The following HSD11B1 variants were observed in gnomAD, a reference collection of about 807,000 sequenced individuals.
HSD11B1 encodes hydroxysteroid 11-beta dehydrogenase 1, also known as 11-beta-hydroxysteroid dehydrogenase 1.
In HSD11B1, 15 loss-of-function variants were observed where a neutral mutation model predicts 22.1. The observed-to-expected ratio is 0.68, with a 90% CI of 0.45 to 1.04. The LOEUF is 1.04. Ranked by LOEUF, HSD11B1 falls within the 50% of genes least tolerant of loss-of-function variation. HSD11B1 has a pLI of 0.00. For missense variants in HSD11B1, 281 were observed against 357.6 expected (o/e 0.79, Z 1.73); for synonymous variants, 122 against 125.2 (o/e 0.97, Z 0.17).
intron 1 of HSD11B1, among the ~76,000 whole-genome samples, chr1:209,699,669 C>G (rs1402490745): frequency 6.6e-6 from 1 of 152,158 alleles, no homozygotes; most frequent in Non-Finnish European, 1.5e-5. Flanking sequence ...AACAGTCCCC[C>G]AAAGTTTTAA....
At chr1:209,727,185 A>C (rs2077007672) in intron 4 of HSD11B1, among the ~76,000 whole-genome samples, 1 of 152,232 alleles carries the variant, frequency 6.6e-6, no homozygotes, top group South Asian at 2.1e-4. Flanking sequence ...CAGAGACTGG[A>C]GTTGCCAGCA....
Position 209,732,596 on chromosome 1 carries a change from G to A in HSD11B1, c.661+17G>A. 1.2e-6 allele frequency: 2 copies of A among 1,607,390 alleles called. No homozygotes were observed. The highest frequency in any genetic ancestry group is 4.5e-5 in the East Asian group (2 of 44,846). ...TAGACACAGGTAAGGTCAATACTTT[G>A]TGTTTTTTTTTAATTATTATACTTT... is the stretch of plus-strand genomic sequence containing the variant. On this transcript the variant is annotated intron_variant, in intron 5 of 5. Transcript: ENST00000367027.
At chr1:209,715,323 A>G (rs1333650861) in intron 4 of HSD11B1, among the ~76,000 whole-genome samples, 1 of 152,154 alleles carries the variant, frequency 6.6e-6, no homozygotes, top group African/African-American at 2.4e-5. Context: ...GTCTACATAT[A>G]CATGCATGTA....
chr1:209,729,620 G>T (rs555497268), intron 4 of HSD11B1, among the ~76,000 whole-genome samples: 8 of 152,082 alleles, frequency 5.3e-5, no homozygotes, highest in African/African-American at 1.9e-4. Context: ...GGAGAGACTG[G>T]CTTCTCCTTT....
chr1:209,730,823 G>A (rs1350034106), intron 4 of HSD11B1, among the ~76,000 whole-genome samples: 2 of 152,132 alleles, frequency 1.3e-5, no homozygotes, highest in African/African-American at 4.8e-5. Context: ...CTGCAAGAGT[G>A]GCACCCGAAA....
chr1:209,714,593 T>TAGAA (rs2076918716), intron 4 of HSD11B1, among the ~76,000 whole-genome samples: 1 of 152,210 alleles, frequency 6.6e-6, no homozygotes, highest in Admixed American at 6.5e-5. Flanking sequence ...TTTCTGTTTC[T>TAGAA]AGGCCTTCGT....
intron 1 of HSD11B1, chr1:209,686,385 T>C (rs1415046633): frequency 6.6e-6 from 1 of 152,212 alleles, no homozygotes; most frequent in East Asian, 1.9e-4. Context: ...TTGAAATAAT[T>C]AATCTATCGA....
At chr1:209,696,694 G>A (rs532305479) in intron 1 of HSD11B1, among the ~76,000 whole-genome samples, 1 of 152,334 alleles carries the variant, frequency 6.6e-6, no homozygotes, top group South Asian at 2.1e-4. Flanking sequence ...GAAAAGCCTG[G>A]TGACTATGAA....
At chr1:209,707,394 C>A (rs569596587) in intron 4 of HSD11B1, among the ~76,000 whole-genome samples, 1 of 151,772 alleles carries the variant, frequency 6.6e-6, no homozygotes, top group East Asian at 1.9e-4. Context: ...CTGTCCTGGT[C>A]CTAAGGGAGA....
chr1:209,724,496 G>A (rs1229547502), intron 4 of HSD11B1, among the ~76,000 whole-genome samples: 2 of 152,170 alleles, frequency 1.3e-5, no homozygotes, highest in African/African-American at 4.8e-5. Flanking sequence ...TCAGAACGTG[G>A]AAGCCTTTGC....
At chr1:209,729,593 G>A (rs973883081) in intron 4 of HSD11B1, among the ~76,000 whole-genome samples, 3 of 152,030 alleles carry the variant, frequency 2.0e-5, no homozygotes, top group African/African-American at 7.2e-5. Flanking sequence ...ACACCAAGAA[G>A]GACAAAGGAT....
chr1:209,688,111 A>C (rs1438894334), intron 1 of HSD11B1, among the ~76,000 whole-genome samples: 1 of 152,206 alleles, frequency 6.6e-6, no homozygotes, highest in Non-Finnish European at 1.5e-5. Context: ...TGGCTAGTTC[A>C]GTGACTGTTC....
At chr1:209,702,016 T>C (rs565306142), upstream of HSD11B1, among the ~76,000 whole-genome samples, 23 of 152,304 alleles carry the variant, frequency 1.5e-4, no homozygotes, top group African/African-American at 5.3e-4. Flanking sequence ...GAAAGCCTGC[T>C]CTGGAATGGG....
At chr1:209,691,640 T>A (rs572283547) in intron 1 of HSD11B1, among the ~76,000 whole-genome samples, 6 of 152,306 alleles carry the variant, frequency 3.9e-5, no homozygotes, top group Admixed American at 6.5e-5. Context: ...CTCCCAGGAA[T>A]TCAATGAAGA....
chr1:209,694,692 G>A (rs1171912762), intron 1 of HSD11B1, among the ~76,000 whole-genome samples: 1 of 152,212 alleles, frequency 6.6e-6, no homozygotes, highest in Non-Finnish European at 1.5e-5. Context: ...GAGCCCAAGG[G>A]GAACTTCACA....
chr1:209,721,394 G>T (rs1422599718), intron 4 of HSD11B1, among the ~76,000 whole-genome samples: 1 of 148,092 alleles, frequency 6.8e-6, no homozygotes, highest in African/African-American at 2.6e-5. Context: ...CCCTCAAATG[G>T]CTCAGCAGAA....
intron 1 of HSD11B1, among the ~76,000 whole-genome samples, chr1:209,693,427 G>T (rs909645649): frequency 2.0e-5 from 3 of 152,174 alleles, no homozygotes; most frequent in Non-Finnish European, 4.4e-5. Flanking sequence ...TGGGGAAGCT[G>T]CATGTAGCTG....
At position 209,706,564 on chromosome 1, in the gene HSD11B1, A is replaced by T; in HGVS notation, c.220-145A>T. 1 of 741,970 alleles carries T rather than the reference A, an allele frequency of 1.3e-6. No individual in the cohort carries two copies. The highest frequency in any genetic ancestry group is 1.8e-5 in the Admixed American group (1 of 56,286). The allele number at this position is 741,970 out of a possible 1,614,324, so 46.0% of individuals were successfully genotyped here. On this transcript the variant is annotated intron_variant, in intron 2 of 5. Coordinates refer to ENST00000367027, the MANE Select transcript of HSD11B1 (RefSeq NM_005525.4). The surrounding 1 kb of genome is among the most constrained non-coding windows in gnomAD (Gnocchi z 4.0). ...GGACGATGATCATGAGGGTTATATT[A>T]GGCAACACACACACAAACATACTTA...
chr1:209,688,823 G>A (rs2076742688), intron 1 of HSD11B1, among the ~76,000 whole-genome samples: 1 of 152,182 alleles, frequency 6.6e-6, no homozygotes. Context: ...AGGACAAAAA[G>A]ACTGGGAACA....
Sources: allele counts gnomAD v4.1 joint callset (sites outside exome capture counted in the v4.1 genomes callset), GRCh38; gene constraint gnomAD v4.1.1; non-coding constraint Gnocchi (gnomAD v3.1); transcripts MANE v1.5; gene names NCBI Gene and HGNC (gene_info 2026-07-23, HGNC 2026-07-21).